Variants in CDH1 observed in about 807,000 individuals in gnomAD.
CDH1 encodes cadherin 1.
CDH1 carries 35 observed loss-of-function variants against 84.5 expected under a neutral mutation model. That is an observed-to-expected ratio of 0.41 (90% CI 0.32 to 0.55). The LOEUF is 0.55. Among genes scored for constraint, CDH1 ranks in the 20% least tolerant of loss-of-function variants. The probability of loss-of-function intolerance (pLI) is 0.19; values close to 1 mark genes in which losing one functional copy is unlikely to be tolerated. For synonymous variants in CDH1, 417 were observed against 439.0 expected, an observed-to-expected ratio of 0.95 and a Z score of 0.63; for missense variants, 994 against 1,126.6, an observed-to-expected ratio of 0.88 and a Z score of 1.68.
intron 2 of CDH1, among the ~76,000 whole-genome samples, chr16:68,758,148 G>A (rs759892900): frequency 1.4e-5 from 2 of 143,572 alleles, no homozygotes; most frequent in Non-Finnish European, 1.5e-5. Context: ...ATTTTTTTGT[G>A]TCCCTCCCCT....
At chr16:68,815,829 T>C (rs764615390) in intron 10 of CDH1, 70 bp downstream of exon 10, 69 of 1,530,520 alleles carry the variant, frequency 4.5e-5, no homozygotes, top group Non-Finnish European at 6.1e-5. Flanking sequence ...TGTAAATCAA[T>C]AATATGTACT....
intron 2 of CDH1, among the ~76,000 whole-genome samples, chr16:68,775,233 T>C (rs1202524999): frequency 6.6e-6 from 1 of 152,236 alleles, no homozygotes; most frequent in African/African-American, 2.4e-5. Flanking sequence ...GCATGCACTT[T>C]ATGAGCCATT....
At chr16:68,755,808 G>A (rs967779185) in intron 2 of CDH1, among the ~76,000 whole-genome samples, 1 of 148,372 alleles carries the variant, frequency 6.7e-6, no homozygotes, top group Non-Finnish European at 1.5e-5. Flanking sequence ...TTGTTGCCCA[G>A]GCTAGAGTGC....
At chr16:68,790,049 T>TC (rs1312852806) in intron 2 of CDH1, among the ~76,000 whole-genome samples, 4 of 151,944 alleles carry the variant, frequency 2.6e-5, no homozygotes, top group Non-Finnish European at 5.9e-5. Flanking sequence ...AGAGCAAAAC[T>TC]CCATCTCAAA....
intron 1 of CDH1, 52 bp downstream of exon 1, chr16:68,737,515 C>CGCCCCAGCGCCGT (rs1962431268): frequency 7.4e-7 from 1 of 1,350,780 alleles, no homozygotes; most frequent in South Asian, 1.2e-5. Context: ...GCAAGCTCCG[C>CGCCCCAGCGCCGT]GCCCCAGCCC....
chr16:68,779,494 G>A (rs559560972), intron 2 of CDH1, among the ~76,000 whole-genome samples: 5 of 152,274 alleles, frequency 3.3e-5, no homozygotes, highest in South Asian at 2.1e-4. Context: ...GGAGTAACAC[G>A]GTACCTACCT....
intron 2 of CDH1, among the ~76,000 whole-genome samples, chr16:68,773,480 G>T (rs1959641507): frequency 6.6e-6 from 1 of 151,944 alleles, no homozygotes. Flanking sequence ...TGTATTTTTA[G>T]TACAGACGGG....
intron 13 of CDH1, among the ~76,000 whole-genome samples, chr16:68,826,164 T>A (rs12102775): frequency 0.057 from 8,676 of 152,018 alleles, 302 homozygotes; most frequent in African/African-American, 0.097. Flanking sequence ...ATTTTTTTTT[T>A]AAATAGGATT....
intron 2 of CDH1, among the ~76,000 whole-genome samples, chr16:68,776,687 T>C (rs568743133): frequency 1.3e-5 from 2 of 152,338 alleles, no homozygotes; most frequent in South Asian, 2.1e-4. Flanking sequence ...TCATTTTATA[T>C]TGCAGCTTTT....
At chr16:68,804,174 C>T (rs566550981) in intron 3 of CDH1, among the ~76,000 whole-genome samples, 22 of 121,862 alleles carry the variant, frequency 1.8e-4, no homozygotes, top group Admixed American at 4.5e-4. Flanking sequence ...AGTGCAGTGG[C>T]GCGATCTCAG....
intron 2 of CDH1, among the ~76,000 whole-genome samples, chr16:68,764,734 G>A (rs992342316): frequency 6.6e-6 from 1 of 152,200 alleles, no homozygotes; most frequent in African/African-American, 2.4e-5. Context: ...AGTGGTGGAG[G>A]AGGGATTCCA....
At chr16:68,829,524 A>G in intron 14 of CDH1, 130 bp from the exon 15 acceptor site, 1 of 941,196 alleles carries the variant, frequency 1.1e-6, no homozygotes, top group Non-Finnish European at 1.7e-6. Context: ...ATTTTGCATT[A>G]AACTGGTAAA....
chr16:68,807,959 C>T (rs993713668), intron 3 of CDH1, among the ~76,000 whole-genome samples: 3 of 152,130 alleles, frequency 2.0e-5, no homozygotes, highest in Admixed American at 6.6e-5. Flanking sequence ...GTAGTCCCAG[C>T]TACTCAGGAG....
chr16:68,800,033 TA>T (rs34387170), intron 2 of CDH1, among the ~76,000 whole-genome samples: 3,682 of 129,368 alleles, frequency 0.028, 79 homozygotes, highest in African/African-American at 0.079. Context: ...TAATAATAAT[TA>T]AAAAAAAAAA....
At chr16:68,790,172 G>A (rs1372207345) in intron 2 of CDH1, among the ~76,000 whole-genome samples, 1 of 152,210 alleles carries the variant, frequency 6.6e-6, no homozygotes, top group Non-Finnish European at 1.5e-5. Context: ...CAGTCGGAAT[G>A]TAAGCCTTAC....
chr16:68,787,393 C>A (rs1217246629), intron 2 of CDH1, among the ~76,000 whole-genome samples: 1 of 152,192 alleles, frequency 6.6e-6, no homozygotes, highest in Non-Finnish European at 1.5e-5. Context: ...AAAACCCCTA[C>A]CTGCCTCACA....
At chr16:68,818,570 C>T (rs1490892503) in intron 10 of CDH1, among the ~76,000 whole-genome samples, 1 of 146,232 alleles carries the variant, frequency 6.8e-6, no homozygotes, top group Non-Finnish European at 1.5e-5. Flanking sequence ...GAGTTTCGGC[C>T]GGGCGCGGTG....
At chr16:68,783,552 T>C (rs1959948437) in intron 2 of CDH1, among the ~76,000 whole-genome samples, 2 of 152,210 alleles carry the variant, frequency 1.3e-5, no homozygotes, top group African/African-American at 4.8e-5. Flanking sequence ...CTTGTTTCCT[T>C]CTGAAGATAT....
At chr16:68,808,362 G>A (rs2152129488) in intron 3 of CDH1, 62 bp from the exon 4 acceptor site, 1 of 1,589,310 alleles carries the variant, frequency 6.3e-7, no homozygotes, top group Non-Finnish European at 8.6e-7. Context: ...AGGTTGGACT[G>A]TTAGACCTGA....
Sources: allele counts gnomAD v4.1 joint callset (sites outside exome capture counted in the v4.1 genomes callset), GRCh38; gene constraint gnomAD v4.1.1; transcripts MANE v1.5; gene names NCBI Gene and HGNC (gene_info 2026-07-23, HGNC 2026-07-21).